The following COL6A6 variants were observed in gnomAD, a reference collection of about 807,000 sequenced individuals.
COL6A6 encodes the protein collagen type VI alpha 6 chain.
In COL6A6, 183 loss-of-function variants were observed where a neutral mutation model predicts 208.6. The observed-to-expected ratio is 0.88, with a 90% CI of 0.78 to 0.99. The LOEUF (loss-of-function observed/expected upper bound fraction) is 0.99, where lower values mean the gene tolerates loss of function less well. COL6A6 is among the 50% of genes least tolerant of loss of function. The pLI, the probability that COL6A6 is intolerant of heterozygous loss-of-function variation, is 0.00. For synonymous variants in COL6A6, 973 were observed against 1,011.8 expected (o/e 0.96, Z 0.73); for missense variants, 2,816 against 2,815.2 (o/e 1.00, Z -0.01).
At chr3:130,634,242 T>TAAAAAAAAAAAAAAAAAAAAAAAAAAAA (rs202193097) in intron 26 of COL6A6, among the ~76,000 whole-genome samples, 1 of 23,806 alleles carries the variant, frequency 4.2e-5, no homozygotes, top group Non-Finnish European at 5.9e-5. Flanking sequence ...AATAAATAAA[T>TAAAAAAAAAAAAAAAAAAAAAAAAAAAA]AAAAAAAAAA....
Position 130,606,911 on chromosome 3 carries a change from C to A in COL6A6, c.4654-20C>A. The A allele has an allele frequency of 6.3e-7, 1 of 1,598,644 alleles. No homozygotes were observed. The highest frequency in any genetic ancestry group is 8.5e-7 in the Non-Finnish European group (1 of 1,172,340). On this transcript the variant is annotated intron_variant, in intron 20 of 36. Transcript: ENST00000358511. ...GCATTTTTTCTGAATTAATGATATCCACCTTTTCTTCTATTTTAGGCAGCT... is the reference window on the plus strand; with the variant it reads ...GCATTTTTTCTGAATTAATGATATCAACCTTTTCTTCTATTTTAGGCAGCT...
chr3:130,599,970 T>C (rs568083705), intron 20 of COL6A6, among the ~76,000 whole-genome samples, 160 bp downstream of exon 20: 39 of 152,194 alleles, frequency 2.6e-4, no homozygotes, highest in African/African-American at 9.2e-4. Flanking sequence ...GCAAAGGACT[T>C]GGGAAAGCCC....
intron 8 of COL6A6, among the ~76,000 whole-genome samples, chr3:130,577,478 C>T (rs912028720): frequency 6.6e-6 from 1 of 152,212 alleles, no homozygotes; most frequent in African/African-American, 2.4e-5. Flanking sequence ...AGGGTTGTAT[C>T]TTTGAAATTG....
At chr3:130,620,847 C>T (rs72996246) in intron 23 of COL6A6, among the ~76,000 whole-genome samples, 151 of 152,128 alleles carry the variant, frequency 9.9e-4, no homozygotes, top group African/African-American at 3.1e-3. Context: ...ACAACCATGA[C>T]GAAAAAATTG....
intron 33 of COL6A6, among the ~76,000 whole-genome samples, chr3:130,656,735 C>A (rs1313132079): frequency 6.6e-6 from 1 of 152,228 alleles, no homozygotes; most frequent in African/African-American, 2.4e-5. Flanking sequence ...TGCCTACAGG[C>A]CAGTACCAAG....
chr3:130,625,443 C>T (rs1443613211), intron 24 of COL6A6, among the ~76,000 whole-genome samples: 1 of 152,056 alleles, frequency 6.6e-6, no homozygotes, highest in African/African-American at 2.4e-5. Flanking sequence ...TTATCTCAAC[C>T]AGAAGATCAA....
At position 130,592,571 on chromosome 3, in the gene COL6A6, G is replaced by A. The variant is rs1420364907; in HGVS notation, c.4303G>A (p.Glu1435Lys). 12 of 1,611,384 alleles carry A rather than the reference G, an allele frequency of 7.4e-6. No homozygotes were observed. Among genetic ancestry groups the A allele is most frequent in the African/African-American group, 1.3e-5 (1 of 74,880 alleles). The change falls in exon 14 of 37, where the codon GAG (glutamate) becomes AAG (lysine). Residue 1435 changes from glutamate to lysine, a missense_variant. Transcript: ENST00000358511. ...GERGAPGPVG[E>K]QGTKGCYGTK... ...AAGAGGAGCCCCTGGACCAGTGGGA[G>A]AGCAAGGTACTAAGGGATGCTATGG...
At chr3:130,517,505 A>G (rs188282554) in intron 1 of COL6A6, among the ~76,000 whole-genome samples, 108 bp downstream of exon 1, 2 of 152,264 alleles carry the variant, frequency 1.3e-5, no homozygotes, top group Admixed American at 1.3e-4. Flanking sequence ...TGCATGAGAA[A>G]GACTGCGGTG....
intron 34 of COL6A6, among the ~76,000 whole-genome samples, chr3:130,659,733 A>G (rs1234126905): frequency 6.6e-6 from 1 of 152,190 alleles, no homozygotes; most frequent in East Asian, 1.9e-4. Context: ...TCTGCTCCCT[A>G]AACCTCTCCA....
rs78587753 is a variant in COL6A6 at position 130,599,632 on chromosome 3, G to A, written c.4600-125G>A. On this transcript the variant is annotated intron_variant, in intron 19 of 36. Coordinates refer to ENST00000358511, the MANE Select transcript of COL6A6 (RefSeq NM_001102608.3). Reference sequence around the variant, plus strand: ...AGTAGAGTTCATGCCATTTTCCAAAGGAAAGGTAACTCTCTCATTGGTGTG... The same window carrying A: ...AGTAGAGTTCATGCCATTTTCCAAAAGAAAGGTAACTCTCTCATTGGTGTG... The A allele has an allele frequency of 4.7e-3, 4,122 of 882,928 alleles. 111 individuals carry two copies. The African/African-American group carries it at 0.061, about 13-fold the overall frequency. 54.7% of individuals were successfully genotyped at this position (882,928 alleles called of 1,614,324 possible). A position where few individuals can be genotyped will look rare whatever the true frequency, so the allele number is the denominator to read the frequency against.
At chr3:130,572,387 T>G (rs1288506312) in intron 7 of COL6A6, among the ~76,000 whole-genome samples, 1 of 152,224 alleles carries the variant, frequency 6.6e-6, no homozygotes, top group East Asian at 1.9e-4. Flanking sequence ...TTTCCCAAGA[T>G]GTATTTTACT....
intron 31 of COL6A6, among the ~76,000 whole-genome samples, 167 bp from the exon 32 acceptor site, chr3:130,644,824 T>G (rs1478395060): frequency 6.6e-6 from 1 of 152,258 alleles, no homozygotes; most frequent in Non-Finnish European, 1.5e-5. Flanking sequence ...AGAATAGTGC[T>G]TTTACCAAGA....
intron 22 of COL6A6, among the ~76,000 whole-genome samples, chr3:130,609,759 T>TA (rs1029684729): frequency 4.6e-5 from 7 of 151,980 alleles, no homozygotes; most frequent in Non-Finnish European, 7.4e-5. Context: ...TCCACATAGT[T>TA]AAAAAAAGTA....
chr3:130,582,801 A>T (rs2063455773), intron 10 of COL6A6, among the ~76,000 whole-genome samples: 1 of 152,174 alleles, frequency 6.6e-6, no homozygotes, highest in Non-Finnish European at 1.5e-5. Flanking sequence ...CCTTCTCTGA[A>T]GAATTGCCCT....
intron 1 of COL6A6, among the ~76,000 whole-genome samples, chr3:130,549,559 G>T (rs900078988): frequency 2.0e-5 from 3 of 150,718 alleles, no homozygotes; most frequent in African/African-American, 7.3e-5. Flanking sequence ...ATCTTGGATT[G>T]TTTTTTTTTG....
intron 1 of COL6A6, among the ~76,000 whole-genome samples, chr3:130,550,854 A>C (rs187325615): frequency 2.7e-4 from 41 of 152,242 alleles, no homozygotes; most frequent in African/African-American, 9.9e-4. Context: ...CAGTTTGTTG[A>C]GGGTTTTTAA....
chr3:130,547,154 G>A (rs1000663297), intron 1 of COL6A6, among the ~76,000 whole-genome samples: 16 of 152,256 alleles, frequency 1.1e-4, no homozygotes, highest in African/African-American at 2.4e-4. Context: ...CGAGGCAGCC[G>A]ACTGCGGAGG....
chr3:130,579,442 G>A (rs556691891), intron 8 of COL6A6, among the ~76,000 whole-genome samples: 108 of 152,280 alleles, frequency 7.1e-4, no homozygotes, highest in African/African-American at 2.6e-3. Flanking sequence ...GCATGTGACT[G>A]AAACTGAACT....
chr3:130,610,211 T>C (rs2064314099), intron 22 of COL6A6, among the ~76,000 whole-genome samples: 1 of 152,172 alleles, frequency 6.6e-6, no homozygotes, highest in Non-Finnish European at 1.5e-5. Context: ...ATTCCAAAAG[T>C]AGAAATAGTC....
Sources: gnomAD v4.1 joint callset for allele counts (sites outside exome capture counted in the v4.1 genomes callset) on GRCh38, gnomAD v4.1.1 for gene constraint, MANE v1.5 for transcripts, NCBI Gene and HGNC (gene_info 2026-07-23, HGNC 2026-07-21) for gene names.